The following FBXO41 variants were observed in gnomAD, a reference collection of about 807,000 sequenced individuals.
FBXO41 encodes the protein F-box only protein 41.
Under a neutral mutation model 81.6 loss-of-function variants are expected in FBXO41, and 33 were observed. That is an observed-to-expected ratio of 0.40 (90% CI 0.31 to 0.54). The LOEUF (loss-of-function observed/expected upper bound fraction) is 0.54. Among genes scored for constraint, FBXO41 ranks in the 20% least tolerant of loss-of-function variants. The pLI, the probability that FBXO41 is intolerant of heterozygous loss-of-function variation, is 0.39. For missense variants in FBXO41, 1,107 were observed against 1,236.0 expected (o/e 0.90, Z 1.56); for synonymous variants, 576 against 552.7 (o/e 1.04, Z -0.59).
intron 1 of FBXO41, among the ~76,000 whole-genome samples, chr2:73,272,852 G>A (rs1276024000): frequency 6.6e-6 from 1 of 152,186 alleles, no homozygotes; most frequent in African/African-American, 2.4e-5. Context: ...GCCTCCCAGG[G>A]ATTAAGGGGA....
Position 73,269,210 on chromosome 2 carries a change from C to T in FBXO41, c.421G>A (p.Ala141Thr), listed in dbSNP as rs1387472746. The T allele has an allele frequency of 1.3e-6, 2 of 1,523,840 alleles. No individual in the cohort carries two copies. The highest frequency in any genetic ancestry group is 1.8e-6 in the Non-Finnish European group (2 of 1,137,618). The allele number at this position is 1,523,840 out of a possible 1,614,324, so 94.4% of individuals were successfully genotyped here. ...ELAEPGLVPA[A>T]AARYALREIE... ...TCGCGCAGCGCATAGCGCGCTGCTG[C>T]GGCGGGCACAAGGCCCGGCTCGGCC... The change falls in exon 2 of 13, where the codon GCA becomes ACA. Residue 141 changes from alanine (A) to threonine (T), a missense_variant. Around this residue, in one of 2 missense-constraint regions of FBXO41, gnomAD observed 771 missense variants for 789.2 expected, o/e 0.98. Coordinates refer to ENST00000520530, the MANE Select transcript of FBXO41 (RefSeq NM_001371389.2). The surrounding 1 kb of genome is among the most constrained non-coding windows in gnomAD (Gnocchi z 7.0).
chr2:73,269,288 G>C lies in FBXO41; in HGVS notation c.343C>G (p.Leu115Val), dbSNP rs1324541657. ...ACCAGGTCGCCGGGGAAGTGGGCGAGGGGAGCGTGGTGATGGTGGTGGTGC... is the reference window on the plus strand; with the variant it reads ...ACCAGGTCGCCGGGGAAGTGGGCGACGGGAGCGTGGTGATGGTGGTGGTGC... ...LLHHHHHHAP[L>V]AHFPGDLVPA... Residue 115 changes from leucine to valine, a missense_variant, in exon 2 of 13, where the codon CTC becomes GTC. Physicochemically the swap from Leu to Val is conservative, Grantham distance 32. Coordinates refer to ENST00000520530, the MANE Select transcript of FBXO41 (RefSeq NM_001371389.2). This position sits in a 1 kb window ranked among gnomAD's most constrained non-coding sequence, Gnocchi z 7.0. 1 of 1,530,838 alleles carries C rather than the reference G, an allele frequency of 6.5e-7. No homozygotes were observed. The highest frequency in any genetic ancestry group is 2.0e-5 in the Admixed American group (1 of 49,766). 94.8% of individuals were successfully genotyped at this position (1,530,838 alleles called of 1,614,324 possible).
chr2:73,272,745 C>CTTG (rs1688577623), intron 1 of FBXO41, among the ~76,000 whole-genome samples: 1 of 152,210 alleles, frequency 6.6e-6, no homozygotes, highest in Non-Finnish European at 1.5e-5. Flanking sequence ...CCTTCTACAC[C>CTTG]ACCACCAGGG....
chr2:73,260,076 C>T lies in FBXO41; in HGVS notation c.2449+313G>A, dbSNP rs1687951251. Among the ~76,000 whole-genome samples the T allele has an allele frequency of 6.6e-6, 1 of 151,998 alleles. No homozygotes were observed. Among genetic ancestry groups the T allele is most frequent in the South Asian group, 2.1e-4 (1 of 4,830 alleles). On this transcript the variant is annotated intron_variant, in intron 11 of 12. Transcript: ENST00000520530. The surrounding 1 kb of genome is among the most constrained non-coding windows in gnomAD (Gnocchi z 5.0). ...GAGGAGTCTTCACCCTGAGAACTGT[C>T]CTTGGGGGGGCTTCCATATATCATC...
chr2:73,272,195 G>C (rs962585234), intron 1 of FBXO41: 1 of 152,188 alleles, frequency 6.6e-6, no homozygotes, highest in African/African-American at 2.4e-5. Context: ...ACCATGGCTG[G>C]AACATTAGGG....
At chr2:73,281,625 T>A (rs1458504344) in intron 1 of FBXO41, among the ~76,000 whole-genome samples, 1 of 152,210 alleles carries the variant, frequency 6.6e-6, no homozygotes, top group African/African-American at 2.4e-5. Context: ...AATGATTAGA[T>A]GCCATGTGTA....
In FBXO41 at chr2:73,259,000, C is replaced by T. The variant is rs995905907; in HGVS notation, c.2610G>A (p.Lys870=). 5.7e-5 allele frequency: 90 copies of T among 1,590,194 alleles called. No homozygotes were observed. The East Asian group carries it at 2.1e-3, about 36-fold the overall frequency. ...ACCCGGGTTAGCAGCCGCCTTCCAC[C>T]TTGATGTGCAGAATCTTAGAGAAGC... ...RPGFSKILHI[K]VEGGC Residue 870 remains lysine, a synonymous_variant, in exon 13 of 13, where the codon AAG becomes AAA. Transcript: ENST00000520530.
intron 9 of FBXO41, among the ~76,000 whole-genome samples, chr2:73,262,811 T>A (rs1379305002): frequency 6.6e-6 from 1 of 152,216 alleles, no homozygotes. Flanking sequence ...AATGGCACGA[T>A]CTCGGCTCAC....
At chr2:73,277,124 G>T (rs1217014759) in intron 1 of FBXO41, among the ~76,000 whole-genome samples, 1 of 152,228 alleles carries the variant, frequency 6.6e-6, no homozygotes, top group Non-Finnish European at 1.5e-5. Flanking sequence ...GAAGGGGAAA[G>T]TCTGGGGGTA....
At chr2:73,265,669 G>T (rs1227018264) in intron 4 of FBXO41, 29 bp from the exon 5 acceptor site, 1 of 1,477,190 alleles carries the variant, frequency 6.8e-7, no homozygotes, top group East Asian at 2.4e-5. Flanking sequence ...CACAGTAAGG[G>T]GTAAGAGGCA....
At chr2:73,272,527 C>A (rs1375986129) in intron 1 of FBXO41, among the ~76,000 whole-genome samples, 2 of 152,220 alleles carry the variant, frequency 1.3e-5, no homozygotes, top group Admixed American at 6.5e-5. Context: ...TCCTGCTGTG[C>A]CCTCCCAGCT....
Position 73,255,948 on chromosome 2 carries a change from G to A in FBXO41, c.*3034C>T, listed in dbSNP as rs1470205008. ...AAAGGCTGTGGTGCTGGGCTGGGCAGGCCACCCACTCTTTATTCCTGCAGG... is the reference window on the plus strand; with the variant it reads ...AAAGGCTGTGGTGCTGGGCTGGGCAAGCCACCCACTCTTTATTCCTGCAGG... On this transcript the variant is annotated 3_prime_UTR_variant, in exon 13 of 13. Transcript: ENST00000520530. The A allele has an allele frequency of 1.3e-5, 2 of 152,258 alleles. No individual in the cohort carries two copies. Among genetic ancestry groups the A allele is most frequent in the Non-Finnish European group, 2.9e-5 (2 of 68,106 alleles). The allele number at this position is 152,258 out of a possible 1,614,324, so 9.4% of individuals were successfully genotyped here.
At chr2:73,261,118 G>A (rs971985494) in intron 9 of FBXO41, among the ~76,000 whole-genome samples, 1 of 151,392 alleles carries the variant, frequency 6.6e-6, no homozygotes. Context: ...GTGCAGTGGT[G>A]CAATTTCGGC....
intron 9 of FBXO41, 59 bp downstream of exon 9, chr2:73,263,154 G>T: frequency 7.2e-7 from 1 of 1,394,084 alleles, no homozygotes. Flanking sequence ...TAAGTCCTCA[G>T]CCCCAGACCA....
intron 8 of FBXO41, 129 bp from the exon 9 acceptor site, chr2:73,263,437 G>A (rs925399039): frequency 3.1e-5 from 24 of 767,812 alleles, no homozygotes; most frequent in Non-Finnish European, 4.2e-5. Flanking sequence ...TGGGCAATAC[G>A]GCGAGACCCC....
intron 5 of FBXO41, 75 bp downstream of exon 5, chr2:73,265,207 G>A (rs72905383): frequency 1.4e-6 from 2 of 1,386,140 alleles, no homozygotes; most frequent in East Asian, 4.9e-5. Context: ...CTGGGGAAAG[G>A]GGAGGGGGGT....
rs1181380798 is a variant in FBXO41, at chr2:73,284,420, AG to A, written c.-400del. On this transcript the variant is annotated 5_prime_UTR_variant, in exon 1 of 13. Coordinates refer to ENST00000520530, the MANE Select transcript of FBXO41 (RefSeq NM_001371389.2). The surrounding 1 kb of genome is among the most constrained non-coding windows in gnomAD (Gnocchi z 7.4). The stretch of plus-strand genomic sequence containing the variant: ...GAGGAGGAGGAGGAGGAGGAGGGGG[AG>A]GAGGGGGCGCGCGGGCCGAGGAAAG... 3.3e-5 allele frequency: 5 copies of A among 150,012 alleles called. No homozygotes were observed. Among genetic ancestry groups the A allele is most frequent in the Admixed American group, 1.3e-4 (2 of 15,144 alleles). 9.3% of individuals were successfully genotyped at this position (150,012 alleles called of 1,614,324 possible). A position where few individuals can be genotyped will look rare whatever the true frequency, so the allele number is the denominator to read the frequency against.
chr2:73,260,426 C>T lies in FBXO41; in HGVS notation c.2412G>A (p.Ala804=), dbSNP rs1396256870. The change falls in exon 11 of 13, where the codon GCG becomes GCA. Residue 804 remains alanine, a synonymous_variant. Transcript: ENST00000520530. The surrounding 1 kb of genome is among the most constrained non-coding windows in gnomAD (Gnocchi z 5.0). ...GTAGGGCCTTAGGGGTGACGGGAGT[C>T]GCCGTGAGCACCAGCATCTCCAGTC... is the stretch of plus-strand genomic sequence containing the variant. ...LKGLEMLVLT[A]TPVTPKALLH... is the part of the protein sequence containing the mutation. 9 of 1,611,324 alleles carry T rather than the reference C, an allele frequency of 5.6e-6. No individual in the cohort carries two copies. The highest frequency in any genetic ancestry group is 5.0e-5 in the Admixed American group (3 of 59,750).
intron 1 of FBXO41, among the ~76,000 whole-genome samples, chr2:73,282,181 A>G (rs1456420732): frequency 6.6e-6 from 1 of 152,066 alleles, no homozygotes; most frequent in Non-Finnish European, 1.5e-5. Context: ...TTTAGTAGAG[A>G]TGGGGTTTCT....
Sources: allele counts gnomAD v4.1 joint callset (sites outside exome capture counted in the v4.1 genomes callset), GRCh38; gene constraint gnomAD v4.1.1; regional missense constraint gnomAD v4.1.1; non-coding constraint Gnocchi (gnomAD v3.1); transcripts MANE v1.5; gene names NCBI Gene and HGNC (gene_info 2026-07-23, HGNC 2026-07-21).